Variants in STPG2 observed in about 807,000 individuals in gnomAD.
STPG2 encodes the protein sperm-tail PG-rich repeat-containing protein 2.
Under a neutral mutation model 54.2 loss-of-function variants are expected in STPG2, and 56 were observed. That is an observed-to-expected ratio of 1.03 (90% CI 0.83 to 1.29). The LOEUF (loss-of-function observed/expected upper bound fraction) is 1.29, where lower values mean the gene tolerates loss of function less well. Among genes scored for constraint, STPG2 ranks in the 50% most tolerant of loss-of-function variants. The pLI is 0.00. For missense variants in STPG2, 596 were observed against 544.9 expected (o/e 1.09, Z -0.93); for synonymous variants, 200 against 181.8 (o/e 1.10, Z -0.81).
At chr4:97,609,615 C>G (rs995413471) in intron 10 of STPG2, among the ~76,000 whole-genome samples, 2 of 151,930 alleles carry the variant, frequency 1.3e-5, no homozygotes, top group Admixed American at 6.6e-5. Context: ...GCTTTATGAT[C>G]TCTCTTGTCC....
At chr4:97,805,638 G>C (rs908005456) in intron 9 of STPG2, among the ~76,000 whole-genome samples, 1 of 152,026 alleles carries the variant, frequency 6.6e-6, no homozygotes, top group African/African-American at 2.4e-5. Flanking sequence ...TGGTTGATTT[G>C]TTAAGTTCCT....
chr4:97,946,855 G>A (rs113328421), intron 7 of STPG2, among the ~76,000 whole-genome samples: 1,773 of 152,114 alleles, frequency 0.012, 30 homozygotes, highest in African/African-American at 0.041. Flanking sequence ...TTTTAGCTTT[G>A]TATTGCTTTG....
At chr4:97,484,963 T>A (rs565946335) in intron 4 of STPG2, among the ~76,000 whole-genome samples, 1 of 151,842 alleles carries the variant, frequency 6.6e-6, no homozygotes, top group Non-Finnish European at 1.5e-5. Context: ...AAAAATCACA[T>A]GATCATTTCA....
At chr4:98,048,289 G>T (rs147185953) in intron 5 of STPG2, among the ~76,000 whole-genome samples, 34 of 152,226 alleles carry the variant, frequency 2.2e-4, no homozygotes, top group African/African-American at 7.7e-4. Flanking sequence ...AGGAACTCCA[G>T]GTTTTCAAGA....
chr4:98,026,320 A>T, intron 5 of STPG2: 1 of 586,634 alleles, frequency 1.7e-6, no homozygotes, highest in Non-Finnish European at 3.0e-6. Context: ...AAGTATGGAC[A>T]GAAAAAAAAA....
At chr4:97,641,713 C>T (rs1040768750) in intron 10 of STPG2, among the ~76,000 whole-genome samples, 4 of 151,124 alleles carry the variant, frequency 2.6e-5, no homozygotes, top group Non-Finnish European at 5.9e-5. Context: ...ATTGAACATA[C>T]ATACAAATAT....
At chr4:98,046,050 C>G (rs866426786) in intron 5 of STPG2, among the ~76,000 whole-genome samples, 1 of 136,496 alleles carries the variant, frequency 7.3e-6, no homozygotes, top group South Asian at 2.3e-4. Flanking sequence ...TTTTTTCATT[C>G]TTTTTTTTTT....
At chr4:97,858,938 G>A (rs1192866742) in intron 8 of STPG2, among the ~76,000 whole-genome samples, 2 of 152,150 alleles carry the variant, frequency 1.3e-5, no homozygotes, top group Non-Finnish European at 2.9e-5. Flanking sequence ...GGATAAAATG[G>A]TAGTTCTACT....
At chr4:97,551,844 C>G (rs1044204870) in intron 4 of STPG2, among the ~76,000 whole-genome samples, 1 of 152,120 alleles carries the variant, frequency 6.6e-6, no homozygotes, top group Non-Finnish European at 1.5e-5. Flanking sequence ...CAAGCTGGTA[C>G]CTAGGACTGG....
intron 10 of STPG2, among the ~76,000 whole-genome samples, chr4:97,681,539 T>A (rs1332903044): frequency 6.6e-6 from 1 of 151,888 alleles, no homozygotes; most frequent in Non-Finnish European, 1.5e-5. Context: ...TTTAATTTTT[T>A]AATTCTCCAT....
At chr4:98,059,095 C>T (rs1355027164) in intron 5 of STPG2, among the ~76,000 whole-genome samples, 1 of 151,328 alleles carries the variant, frequency 6.6e-6, no homozygotes, top group Non-Finnish European at 1.5e-5. Flanking sequence ...AGATAGGCCG[C>T]TAGCTAGACT....
At chr4:97,549,707 A>T (rs1731923239) in intron 4 of STPG2, among the ~76,000 whole-genome samples, 2 of 152,192 alleles carry the variant, frequency 1.3e-5, no homozygotes, top group Non-Finnish European at 2.9e-5. Context: ...GAAGAAGGTC[A>T]TGTAAAGATG....
Position 97,959,182 on chromosome 4 carries a change from T to C in STPG2, c.933+13098A>G, listed in dbSNP as rs150866475. ...AAAGATTACTCAAACAGAACAATAG[T>C]AACACAATCTAACAATACCTTTGGG... On this transcript the variant is annotated intron_variant, in intron 7 of 10. Transcript: ENST00000295268. Among the ~76,000 whole-genome samples the C allele has an allele frequency of 3.3e-5, 5 of 152,074 alleles. No individual in the cohort carries two copies. The East Asian group carries it at 7.8e-4, about 24-fold the overall frequency.
intron 2 of STPG2, among the ~76,000 whole-genome samples, chr4:98,129,499 T>C (rs932068715): frequency 1.3e-5 from 2 of 152,146 alleles, no homozygotes; most frequent in South Asian, 4.2e-4. Context: ...TATATATAAA[T>C]GTATAAAGTC....
At chr4:97,569,387 T>G (rs1732540459) in intron 10 of STPG2, among the ~76,000 whole-genome samples, 1 of 152,158 alleles carries the variant, frequency 6.6e-6, no homozygotes, top group African/African-American at 2.4e-5. Flanking sequence ...TGCAATCAAT[T>G]TGATCAGCAA....
intron 5 of STPG2, among the ~76,000 whole-genome samples, chr4:98,103,771 T>A (rs7673385): frequency 6.6e-6 from 1 of 151,804 alleles, no homozygotes; most frequent in Non-Finnish European, 1.5e-5. Context: ...ATCTCTCCTC[T>A]AGCTCTTCTA....
intron 5 of STPG2, among the ~76,000 whole-genome samples, chr4:98,072,059 T>C (rs1291408301): frequency 6.6e-6 from 1 of 152,184 alleles, no homozygotes; most frequent in African/African-American, 2.4e-5. Flanking sequence ...CATTACTGGG[T>C]ACATACCCAA....
intron 10 of STPG2, among the ~76,000 whole-genome samples, chr4:97,565,127 T>C (rs922510407): frequency 6.6e-6 from 1 of 152,164 alleles, no homozygotes; most frequent in Admixed American, 6.5e-5. Context: ...GAGGCTTTGT[T>C]CGTTTCTTTT....
chr4:97,758,984 G>T (rs892652308), intron 9 of STPG2, among the ~76,000 whole-genome samples: 1 of 152,004 alleles, frequency 6.6e-6, no homozygotes, highest in Admixed American at 6.6e-5. Flanking sequence ...GAAAAAAAAT[G>T]AACGTATAAT....
Sources: gnomAD v4.1 joint callset for allele counts (sites outside exome capture counted in the v4.1 genomes callset) on GRCh38, gnomAD v4.1.1 for gene constraint, MANE v1.5 for transcripts, NCBI Gene and HGNC (gene_info 2026-07-23, HGNC 2026-07-21) for gene names.